Variants in ARL14EP observed in about 807,000 individuals in gnomAD.
ARL14EP encodes the protein ARL14 effector protein.
Under a neutral mutation model 23.1 loss-of-function variants are expected in ARL14EP, and 12 were observed. That is an observed-to-expected ratio of 0.52 (90% confidence interval 0.33 to 0.84). The LOEUF is 0.84. Among genes scored for constraint, ARL14EP ranks in the 40% least tolerant of loss-of-function variants. The pLI is 0.02. For synonymous variants in ARL14EP, 97 were observed against 102.0 expected (o/e 0.95, Z 0.29); for missense variants, 253 against 307.3 (o/e 0.82, Z 1.32).
intron 2 of ARL14EP, 60 bp downstream of exon 2, chr11:30,331,434 A>C (rs752231986): frequency 2.5e-6 from 4 of 1,607,720 alleles, no homozygotes; most frequent in Non-Finnish European, 3.4e-6. Flanking sequence ...ATTTTGCTTA[A>C]CTATAAGAAA....
intron 1 of ARL14EP, chr11:30,330,372 G>C (rs1375476484): frequency 1.3e-5 from 2 of 152,532 alleles, no homozygotes; most frequent in Non-Finnish European, 2.9e-5. Flanking sequence ...TAACAGAACT[G>C]AATTTACAGA....
rs775629814 is a variant in ARL14EP at position 30,336,780 on chromosome 11, T to A, written c.768T>A (p.Asn256Lys). The A allele has an allele frequency of 6.2e-7, 1 of 1,613,962 alleles. No homozygotes were observed. The highest frequency in any genetic ancestry group is 8.5e-7 in the Non-Finnish European group (1 of 1,179,812). Residue 256 changes from asparagine to lysine, a missense_variant, in exon 4 of 4, where the codon AAT (asparagine) becomes AAA (lysine). By Grantham distance (94) the Asn-to-Lys change is moderately conservative. Coordinates refer to ENST00000282032, the MANE Select transcript of ARL14EP (RefSeq NM_152316.3). ...IEIEGGEIIH[N>K]KHAG is the part of the protein sequence containing the mutation. ...TTGAAGGAGGAGAAATAATTCATAA[T>A]AAACATGCTGGATAATCTGCGGTAC...
chr11:30,327,697 G>A (rs1396406648), intron 1 of ARL14EP, among the ~76,000 whole-genome samples: 4 of 151,336 alleles, frequency 2.6e-5, no homozygotes, highest in African/African-American at 9.7e-5. Flanking sequence ...GGTGGCTCAT[G>A]CCTGTAATCC....
chr11:30,332,195 A>G (rs1044459074), intron 2 of ARL14EP, among the ~76,000 whole-genome samples: 3 of 151,788 alleles, frequency 2.0e-5, no homozygotes, highest in Non-Finnish European at 4.4e-5. Flanking sequence ...CCAAGTTAAA[A>G]GATAGTTGAA....
Position 30,336,719 on chromosome 11 carries a change from G to A in ARL14EP, c.707G>A (p.Arg236His). Reference sequence around the variant, plus strand: ...TCTACCAAGTGTGGAGCTGAATGCCGCTGTGACCGCAAGTGGCTGTATGAG... The same window carrying A: ...TCTACCAAGTGTGGAGCTGAATGCCACTGTGACCGCAAGTGGCTGTATGAG... ...CGSTKCGAECRCDRKWLYEQI... is the reference protein window; with the variant it reads ...CGSTKCGAECHCDRKWLYEQI... The change falls in exon 4 of 4, where the codon CGC (arginine) becomes CAC (histidine). Residue 236 changes from arginine to histidine, a missense_variant. Coordinates refer to ENST00000282032, the MANE Select transcript of ARL14EP (RefSeq NM_152316.3). The A allele has an allele frequency of 5.6e-6, 9 of 1,614,114 alleles. No homozygotes were observed. Among genetic ancestry groups the A allele is most frequent in the African/African-American group, 1.3e-5 (1 of 75,020 alleles).
chr11:30,328,934 C>T (rs955352517), intron 1 of ARL14EP: 1 of 151,942 alleles, frequency 6.6e-6, no homozygotes, highest in African/African-American at 2.4e-5. Context: ...GCATTGGTTG[C>T]ATATTTTCTT....
chr11:30,335,989 A>G (rs1194034793), intron 3 of ARL14EP, among the ~76,000 whole-genome samples: 1 of 152,148 alleles, frequency 6.6e-6, no homozygotes, highest in African/African-American at 2.4e-5. Context: ...TGAATGGGAG[A>G]ACTAAATTGT....
chr11:30,328,775 T>G (rs1388483258), intron 1 of ARL14EP: 2 of 152,104 alleles, frequency 1.3e-5, no homozygotes, highest in African/African-American at 2.4e-5. Context: ...TGTTTAAGAT[T>G]TCTCTCCAGT....
intron 1 of ARL14EP, chr11:30,328,147 A>AT (rs1565007970): frequency 7.4e-5 from 11 of 149,574 alleles, no homozygotes; most frequent in South Asian, 2.1e-4. Context: ...AATTTTTTTT[A>AT]TTTTTTTATT....
rs1947277345 is a variant in ARL14EP at position 30,330,953 on chromosome 11, T to G, written c.5T>G (p.Met2Arg). 2 of 1,613,518 alleles carry G rather than the reference T, an allele frequency of 1.2e-6. No individual in the cohort carries two copies. The highest frequency in any genetic ancestry group is 3.3e-5 in the Admixed American group (2 of 59,992). M[M>R]DPCSVGVQLR... ...GAAAATTTGCTAGAATCAAGAATGATGGATCCATGTTCAGTTGGAGTCCAG... is the reference window on the plus strand; with the variant it reads ...GAAAATTTGCTAGAATCAAGAATGAGGGATCCATGTTCAGTTGGAGTCCAG... Residue 2 changes from methionine to arginine, a missense_variant, in exon 2 of 4, where the codon ATG (methionine) becomes AGG (arginine). By Grantham distance (91) the Met-to-Arg change is moderately conservative. Transcript: ENST00000282032.
At chr11:30,324,718 A>G (rs1947224223) in intron 1 of ARL14EP, among the ~76,000 whole-genome samples, 2 of 152,174 alleles carry the variant, frequency 1.3e-5, no homozygotes, top group Admixed American at 6.5e-5. Flanking sequence ...CTTTAAAACT[A>G]CTGATGTTTT....
Position 30,330,914 on chromosome 11 carries a change from G to A in ARL14EP, c.-35G>A. On this transcript the variant is annotated 5_prime_UTR_variant, in exon 2 of 4. Coordinates refer to ENST00000282032, the MANE Select transcript of ARL14EP (RefSeq NM_152316.3). ...GATCAGCCCATGACCTAAACCTCCA[G>A]ACAAAATAAAACGGAAAATTTGCTA... is the stretch of plus-strand genomic sequence containing the variant. 3 of 1,534,720 alleles carry A rather than the reference G, an allele frequency of 2.0e-6. No homozygotes were observed. The highest frequency in any genetic ancestry group is 2.6e-6 in the Non-Finnish European group (3 of 1,149,356).
intron 3 of ARL14EP, among the ~76,000 whole-genome samples, chr11:30,333,430 T>A (rs1287161068): frequency 6.6e-6 from 1 of 152,194 alleles, no homozygotes; most frequent in Admixed American, 6.5e-5. Flanking sequence ...GTACTCCCTA[T>A]CTCTGTCGCA....
In ARL14EP at chr11:30,336,590, A is replaced by T; in HGVS notation, c.578A>T (p.Lys193Met). 6.2e-7 allele frequency: 1 copy of T among 1,613,870 alleles called. No individual in the cohort carries two copies. Among genetic ancestry groups the T allele is most frequent in the Non-Finnish European group, 8.5e-7 (1 of 1,179,812 alleles). The change falls in exon 4 of 4, where the codon AAG becomes ATG. Residue 193 changes from lysine to methionine, a missense_variant. By Grantham distance (95) the Lys-to-Met change is moderately conservative. Transcript: ENST00000282032. ...AGACAAGTGATACCAGCAAAGAGTA[A>T]GGTCTATGATAGCCAGGGTCTCCTG... ...SDRQVIPAKS[K>M]VYDSQGLLIF... is the part of the protein sequence containing the mutation.
At chr11:30,330,668 G>T (rs1947274562) in intron 1 of ARL14EP, 2 of 360,092 alleles carry the variant, frequency 5.6e-6, no homozygotes, top group Non-Finnish European at 1.0e-5. Flanking sequence ...TTCTTATGTG[G>T]TCTTAAATAT....
intron 1 of ARL14EP, among the ~76,000 whole-genome samples, chr11:30,325,103 A>G (rs1165634729): frequency 1.3e-5 from 2 of 152,220 alleles, no homozygotes; most frequent in Admixed American, 6.5e-5. Context: ...AAGATCTGCA[A>G]GAATCTCCAA....
chr11:30,331,386 A>G lies in ARL14EP; in HGVS notation c.426+12A>G. The G allele has an allele frequency of 1.2e-6, 2 of 1,613,760 alleles. No homozygotes were observed. The highest frequency in any genetic ancestry group is 1.7e-6 in the Non-Finnish European group (2 of 1,179,766). ...AACCTGAGTCAGATGTATGTGTAAT[A>G]GTCATTTTTTTCTACATTGTGAATT... is the stretch of plus-strand genomic sequence containing the variant. On this transcript the variant is annotated intron_variant, in intron 2 of 3. Transcript: ENST00000282032.
At chr11:30,334,071 G>C (rs1369616770) in intron 3 of ARL14EP, among the ~76,000 whole-genome samples, 1 of 152,088 alleles carries the variant, frequency 6.6e-6, no homozygotes, top group African/African-American at 2.4e-5. Context: ...CAGAAGAAAA[G>C]TTTGAAGCTA....
chr11:30,333,026 T>TG, intron 3 of ARL14EP, 33 bp downstream of exon 3: 1 of 1,609,882 alleles, frequency 6.2e-7, no homozygotes, highest in Non-Finnish European at 8.5e-7. Context: ...CATGTTAACT[T>TG]GCTGCTTCAC....
Sources: allele counts gnomAD v4.1 joint callset (sites outside exome capture counted in the v4.1 genomes callset), GRCh38; gene constraint gnomAD v4.1.1; transcripts MANE v1.5; gene names NCBI Gene and HGNC (gene_info 2026-07-23, HGNC 2026-07-21).